CD2AP: variants seen among roughly 807,000 people sequenced by gnomAD.
CD2AP encodes the protein CD2 associated protein.
CD2AP carries 46 observed loss-of-function variants against 85.1 expected under a neutral mutation model. The ratio of observed to expected loss-of-function variants is 0.54; its 90% CI spans 0.43 to 0.69. The LOEUF (loss-of-function observed/expected upper bound fraction) is 0.69, where lower values mean the gene tolerates loss of function less well. Among genes scored for constraint, CD2AP ranks in the 30% least tolerant of loss-of-function variants. The probability of loss-of-function intolerance (pLI) is 0.00; values close to 1 mark genes in which losing one functional copy is unlikely to be tolerated. For synonymous variants in CD2AP, 255 were observed against 252.9 expected, an observed-to-expected ratio of 1.01 and a Z score of -0.08; for missense variants, 769 against 729.5, an observed-to-expected ratio of 1.05 and a Z score of -0.62.
intron 8 of CD2AP, among the ~76,000 whole-genome samples, chr6:47,577,577 G>A (rs1768347315): frequency 6.6e-6 from 1 of 152,164 alleles, no homozygotes; most frequent in East Asian, 1.9e-4. Context: ...TTTAAAGAAT[G>A]AAGTGATTTT....
intron 3 of CD2AP, among the ~76,000 whole-genome samples, chr6:47,536,311 C>T (rs1767042963): frequency 6.6e-6 from 1 of 151,058 alleles, no homozygotes; most frequent in Non-Finnish European, 1.5e-5. Flanking sequence ...TGTATTGTTA[C>T]ATAGTAGCAG....
Position 47,478,216 on chromosome 6 carries a change from G to T in CD2AP, c.-29G>T, listed in dbSNP as rs1277145073. On this transcript the variant is annotated 5_prime_UTR_variant, in exon 1 of 18. Coordinates refer to ENST00000359314, the MANE Select transcript of CD2AP (RefSeq NM_012120.3). ...TGGAGGAGGAGGAGGAGGAGCGGAC[G>T]TCGGCTTCTCCCCGCGGGAGCCCCC... is the stretch of plus-strand genomic sequence containing the variant. 1.9e-6 allele frequency: 3 copies of T among 1,566,216 alleles called. No homozygotes were observed. The highest frequency in any genetic ancestry group is 8.6e-7 in the Non-Finnish European group (1 of 1,156,092).
intron 13 of CD2AP, among the ~76,000 whole-genome samples, chr6:47,604,729 C>T (rs148389777): frequency 2.2e-3 from 337 of 151,892 alleles, no homozygotes; most frequent in African/African-American, 7.0e-3. Context: ...TAAATTCAAC[C>T]GCCTTCAGAT....
intron 8 of CD2AP, among the ~76,000 whole-genome samples, chr6:47,578,796 A>G (rs1380640914): frequency 6.6e-6 from 1 of 151,624 alleles, no homozygotes; most frequent in Non-Finnish European, 1.5e-5. Context: ...AGCTGGGACT[A>G]CAGGCGCCTG....
At chr6:47,597,678 A>T (rs1257656175) in intron 12 of CD2AP, among the ~76,000 whole-genome samples, 1 of 150,956 alleles carries the variant, frequency 6.6e-6, no homozygotes, top group Non-Finnish European at 1.5e-5. Flanking sequence ...ATGGAAGTAC[A>T]AGAAGGATGA....
At chr6:47,482,380 C>CTTTTTTTTTTTTTTTTTTTTTT (rs531967845) in intron 1 of CD2AP, among the ~76,000 whole-genome samples, 1 of 133,492 alleles carries the variant, frequency 7.5e-6, no homozygotes. Flanking sequence ...TTTTTTTTGT[C>CTTTTTTTTTTTTTTTTTTTTTT]TTTTTTTTTT....
chr6:47,490,400 C>T (rs1408621696), intron 1 of CD2AP, among the ~76,000 whole-genome samples: 1 of 152,014 alleles, frequency 6.6e-6, no homozygotes, highest in African/African-American at 2.4e-5. Context: ...GATGGCTATT[C>T]ATATGGTATT....
intron 13 of CD2AP, among the ~76,000 whole-genome samples, chr6:47,602,023 C>T (rs1344675509): frequency 2.0e-5 from 3 of 151,928 alleles, no homozygotes; most frequent in Admixed American, 6.6e-5. Context: ...CTTCTTTCCT[C>T]CCTCCTCCAT....
chr6:47,514,964 A>G (rs1020438660), intron 2 of CD2AP, among the ~76,000 whole-genome samples: 3 of 152,006 alleles, frequency 2.0e-5, no homozygotes, highest in African/African-American at 4.8e-5. Flanking sequence ...AGGCAGGAGA[A>G]TTGCTTGAAC....
At chr6:47,619,549 C>T (rs1028046239) in intron 17 of CD2AP, among the ~76,000 whole-genome samples, 2 of 140,652 alleles carry the variant, frequency 1.4e-5, no homozygotes, top group East Asian at 2.0e-4. Context: ...GTATCTTTTT[C>T]GAATAATGAC....
chr6:47,539,572 C>T lies in CD2AP; in HGVS notation c.320-5034C>T, dbSNP rs189623373. The stretch of plus-strand genomic sequence containing the variant: ...AGGCTTAGAAGTGGGCATAATATTC[C>T]AGAAATGGATATAATTTTAGTTTTG... On this transcript the variant is annotated intron_variant, in intron 3 of 17. Transcript: ENST00000359314. 2.2e-3 allele frequency among the ~76,000 whole-genome samples: 341 copies of T among 152,256 alleles called. 1 individual carries two copies. Among genetic ancestry groups the T allele is most frequent in the African/African-American group, 7.7e-3 (321 of 41,522 alleles).
At position 47,599,346 on chromosome 6, in the gene CD2AP, G is replaced by C. The variant is rs758892279; in HGVS notation, c.1320G>C (p.Glu440Asp). Residue 440 changes from glutamate (E) to aspartate (D), a missense_variant, in exon 13 of 18, where the codon GAG becomes GAC. Physicochemically the swap from Glu to Asp is conservative, Grantham distance 45. Transcript: ENST00000359314. ...VSSISSKFET[E>D]PVSKLKLDSE... ...GCATTTCATCAAAATTTGAAACTGAGCCAGTATCAAAACTAAAGCTAGATT... is the reference window on the plus strand; with the variant it reads ...GCATTTCATCAAAATTTGAAACTGACCCAGTATCAAAACTAAAGCTAGATT... 10 of 1,611,436 alleles carry C rather than the reference G, an allele frequency of 6.2e-6. No homozygotes were observed. The highest frequency in any genetic ancestry group is 7.6e-6 in the Non-Finnish European group (9 of 1,178,222).
At chr6:47,622,665 C>T (rs1769787181) in intron 17 of CD2AP, among the ~76,000 whole-genome samples, 1 of 152,198 alleles carries the variant, frequency 6.6e-6, no homozygotes, top group Admixed American at 6.5e-5. Flanking sequence ...CTCACTTCCG[C>T]AGTTGGGACA....
chr6:47,548,850 A>G (rs1758195502), intron 4 of CD2AP, among the ~76,000 whole-genome samples: 1 of 152,158 alleles, frequency 6.6e-6, no homozygotes. Context: ...AAAAGATAAT[A>G]CACCACGATC....
chr6:47,544,777 G>A (rs538347527), intron 4 of CD2AP, 71 bp downstream of exon 4: 74 of 914,670 alleles, frequency 8.1e-5, no homozygotes, highest in African/African-American at 7.8e-4. Flanking sequence ...AAAATTAATT[G>A]TAAGAATATT....
rs548856298 is a variant in CD2AP at position 47,495,289 on chromosome 6, C to T, written c.5-7991C>T. Among the ~76,000 whole-genome samples, 15 of 152,134 alleles carry T rather than the reference C, an allele frequency of 9.9e-5. No individual in the cohort carries two copies. In the South Asian group the frequency reaches 2.9e-3, roughly 29 times the overall value. ...GAGAGGGTGAGATTTGAGATGGAGA[C>T]GTAACAGTGGAACAGTCACGTCAAG... On this transcript the variant is annotated intron_variant, in intron 1 of 17. Coordinates refer to ENST00000359314, the MANE Select transcript of CD2AP (RefSeq NM_012120.3).
Position 47,581,718 on chromosome 6 carries a change from A to T in CD2AP, c.1046-285A>T, listed in dbSNP as rs112415622. On this transcript the variant is annotated intron_variant, in intron 10 of 17. Coordinates refer to ENST00000359314, the MANE Select transcript of CD2AP (RefSeq NM_012120.3). The stretch of plus-strand genomic sequence containing the variant: ...TAGTCACATGTTGGATACTGAAAAA[A>T]TAGAATGTTTTCATCACCACAGCTC... 7.8e-3 allele frequency among the ~76,000 whole-genome samples: 1,186 copies of T among 152,290 alleles called. 4 individuals are homozygous for T. Among genetic ancestry groups the T allele is most frequent in the Non-Finnish European group, 0.012 (845 of 68,006 alleles).
chr6:47,562,908 A>C, intron 5 of CD2AP: 2 of 671,586 alleles, frequency 3.0e-6, no homozygotes, highest in Non-Finnish European at 5.5e-6. Context: ...TAAAATTGAC[A>C]GAGAGAGAAA....
intron 16 of CD2AP, 113 bp downstream of exon 16, chr6:47,609,417 C>T: frequency 1.2e-6 from 1 of 848,000 alleles, no homozygotes; most frequent in Non-Finnish European, 1.9e-6. Context: ...TAGTTCGCGC[C>T]TGTAATCCCA....
Sources: gnomAD v4.1 joint callset for allele counts (sites outside exome capture counted in the v4.1 genomes callset) on GRCh38, gnomAD v4.1.1 for gene constraint, MANE v1.5 for transcripts, NCBI Gene and HGNC (gene_info 2026-07-23, HGNC 2026-07-21) for gene names.